NDFIP2: variants seen among roughly 807,000 people sequenced by gnomAD.
NDFIP2 encodes NEDD4 family-interacting protein 2.
A neutral mutation model predicts 36.0 loss-of-function variants in NDFIP2; 19 were observed. The ratio of observed to expected loss-of-function variants is 0.53; its 90% confidence interval spans 0.37 to 0.77. The LOEUF (loss-of-function observed/expected upper bound fraction) is 0.77. Ranked by LOEUF, NDFIP2 falls within the 30% of genes least tolerant of loss-of-function variation. The pLI, the probability that NDFIP2 is intolerant of heterozygous loss-of-function variation, is 0.00. For synonymous variants in NDFIP2, 181 were observed against 167.7 expected (o/e 1.08, Z -0.61); for missense variants, 446 against 435.8 (o/e 1.02, Z -0.21).
At chr13:79,546,519 C>T (rs1048507154) in intron 5 of NDFIP2, among the ~76,000 whole-genome samples, 1 of 151,888 alleles carries the variant, frequency 6.6e-6, no homozygotes, top group Admixed American at 6.6e-5. Context: ...TGTGACTGGC[C>T]AATCAACATG....
At chr13:79,536,636 A>C (rs538434174) in intron 3 of NDFIP2, among the ~76,000 whole-genome samples, 1 of 152,310 alleles carries the variant, frequency 6.6e-6, no homozygotes, top group South Asian at 2.1e-4. Context: ...AATTCCCTGT[A>C]ATCAATATGC....
chr13:79,493,488 T>C (rs959491025), intron 1 of NDFIP2, among the ~76,000 whole-genome samples: 2 of 152,198 alleles, frequency 1.3e-5, no homozygotes, highest in Admixed American at 6.5e-5. Context: ...TTAGGTTATT[T>C]GGTCTACCCA....
chr13:79,509,847 A>T (rs1874014748), intron 1 of NDFIP2, among the ~76,000 whole-genome samples: 1 of 152,172 alleles, frequency 6.6e-6, no homozygotes, highest in Admixed American at 6.5e-5. Context: ...CCAGCACAGG[A>T]AAAAGATGTA....
chr13:79,482,161 CTTTCTTTCTTTT>C (rs1421388411), intron 1 of NDFIP2, among the ~76,000 whole-genome samples: 4 of 65,934 alleles, frequency 6.1e-5, no homozygotes, highest in African/African-American at 2.3e-4. Flanking sequence ...TTCTTTCTTT[CTTTCTTTCTTTT>C]TTTTTTTTTT....
intron 3 of NDFIP2, among the ~76,000 whole-genome samples, chr13:79,533,951 G>C (rs1465827423): frequency 6.6e-6 from 1 of 152,084 alleles, no homozygotes; most frequent in Non-Finnish European, 1.5e-5. Flanking sequence ...GTCACTTTTT[G>C]TTGAAATTGG....
chr13:79,551,173 T>A, intron 7 of NDFIP2, 51 bp downstream of exon 7: 1 of 1,168,604 alleles, frequency 8.6e-7, no homozygotes, highest in East Asian at 2.5e-5. Context: ...TGTATTCAAA[T>A]TTGCCAGATA....
chr13:79,552,322 A>C (rs1875938798), intron 7 of NDFIP2, among the ~76,000 whole-genome samples, 194 bp from the exon 8 acceptor site: 1 of 151,484 alleles, frequency 6.6e-6, no homozygotes, highest in Non-Finnish European at 1.5e-5. Context: ...AGTCTAAAAT[A>C]CAATGCAAAT....
chr13:79,510,460 G>A (rs768837330), intron 1 of NDFIP2, among the ~76,000 whole-genome samples: 1 of 151,448 alleles, frequency 6.6e-6, no homozygotes, highest in Non-Finnish European at 1.5e-5. Flanking sequence ...CCTTCCGAAA[G>A]TTCTCTGAAA....
At chr13:79,525,766 AG>A (rs1348827877) in intron 2 of NDFIP2, among the ~76,000 whole-genome samples, 1 of 152,188 alleles carries the variant, frequency 6.6e-6, no homozygotes, top group East Asian at 1.9e-4. Flanking sequence ...TTATTTCTGC[AG>A]TTTTCTATTG....
At chr13:79,544,364 C>G (rs780727535) in intron 5 of NDFIP2, among the ~76,000 whole-genome samples, 6 of 152,160 alleles carry the variant, frequency 3.9e-5, no homozygotes, top group Non-Finnish European at 8.8e-5. Flanking sequence ...AGTTCCCCAT[C>G]TTAACAACTT....
chr13:79,549,382 T>G lies in NDFIP2; in HGVS notation c.907+988T>G, dbSNP rs146666279. Among the ~76,000 whole-genome samples the G allele has an allele frequency of 3.9e-3, 588 of 152,100 alleles. 3 individuals carry two copies. Among genetic ancestry groups the G allele is most frequent in the African/African-American group, 0.014 (563 of 41,550 alleles). On this transcript the variant is annotated intron_variant, in intron 6 of 7. Coordinates refer to ENST00000218652, the MANE Select transcript of NDFIP2 (RefSeq NM_019080.3). ...AGGTTTATAAAGTCTATTAAGTATT[T>G]AAGCATATTAAATGAGTACATTTGT... is the stretch of plus-strand genomic sequence containing the variant.
chr13:79,501,936 T>A (rs1873683462), intron 1 of NDFIP2, among the ~76,000 whole-genome samples: 1 of 152,122 alleles, frequency 6.6e-6, no homozygotes, highest in South Asian at 2.1e-4. Flanking sequence ...TTATTCCTCT[T>A]GCTGAAGTCA....
At chr13:79,490,883 T>C (rs1399951540) in intron 1 of NDFIP2, among the ~76,000 whole-genome samples, 1 of 152,214 alleles carries the variant, frequency 6.6e-6, no homozygotes, top group Non-Finnish European at 1.5e-5. Context: ...TATGAGTGGA[T>C]AGTAGAAGAG....
At chr13:79,501,597 T>C (rs1401563329) in intron 1 of NDFIP2, among the ~76,000 whole-genome samples, 4 of 152,158 alleles carry the variant, frequency 2.6e-5, no homozygotes, top group African/African-American at 9.6e-5. Context: ...TTCGATATTC[T>C]GAAGTTATTC....
rs550871087 is a variant in NDFIP2 at position 79,506,624 on chromosome 13, C to T, written c.322-14186C>T. On this transcript the variant is annotated intron_variant, in intron 1 of 7. Transcript: ENST00000218652. ...GTGTGTTTTGTGTTTGAAAAATAAG[C>T]GATATATACTTTATTTTTAAAAAAT... Among the ~76,000 whole-genome samples, 6 of 151,922 alleles carry T rather than the reference C, an allele frequency of 3.9e-5. No individual in the cohort carries two copies. In the East Asian group the frequency reaches 5.8e-4, roughly 15 times the overall value.
chr13:79,481,631 TTG>T, intron 1 of NDFIP2, 107 bp downstream of exon 1: 4 of 1,349,408 alleles, frequency 3.0e-6, no homozygotes, highest in Non-Finnish European at 3.0e-6. Flanking sequence ...CTTTTTTTTG[TTG>T]TGTTTTGTTT....
intron 6 of NDFIP2, among the ~76,000 whole-genome samples, chr13:79,548,936 T>C (rs1875794675): frequency 6.6e-6 from 1 of 152,040 alleles, no homozygotes; most frequent in South Asian, 2.1e-4. Flanking sequence ...GGATTTTCAA[T>C]TTTTGTTCCC....
intron 1 of NDFIP2, among the ~76,000 whole-genome samples, chr13:79,489,405 TA>T (rs1343581782): frequency 6.6e-6 from 1 of 152,220 alleles, no homozygotes; most frequent in African/African-American, 2.4e-5. Flanking sequence ...TGGAAATTCA[TA>T]ATGTCATTTT....
At chr13:79,483,545 C>T (rs955935223) in intron 1 of NDFIP2, among the ~76,000 whole-genome samples, 4 of 151,978 alleles carry the variant, frequency 2.6e-5, no homozygotes, top group Non-Finnish European at 5.9e-5. Context: ...AGCAATAAAC[C>T]ACTTGAGTTG....
Sources: allele counts gnomAD v4.1 joint callset (sites outside exome capture counted in the v4.1 genomes callset), GRCh38; gene constraint gnomAD v4.1.1; transcripts MANE v1.5; gene names NCBI Gene and HGNC (gene_info 2026-07-23, HGNC 2026-07-21).